The following FBF1 variants were observed in gnomAD, a reference collection of about 807,000 sequenced individuals.
The protein encoded by FBF1 is Fas binding factor 1, also known as fas-binding factor 1.
In FBF1, 119 loss-of-function variants were observed where a neutral mutation model predicts 147.2. The observed-to-expected ratio is 0.81, with a 90% confidence interval of 0.70 to 0.94. The LOEUF (loss-of-function observed/expected upper bound fraction) is 0.94, where lower values mean the gene tolerates loss of function less well. FBF1 is among the 40% of genes least tolerant of loss of function. The pLI is 0.00. For synonymous variants in FBF1, 601 were observed against 609.0 expected, an observed-to-expected ratio of 0.99 and a Z score of 0.19; for missense variants, 1,449 against 1,500.8, an observed-to-expected ratio of 0.97 and a Z score of 0.57.
chr17:75,912,180 G>C lies in FBF1; in HGVS notation c.3363+12C>G. ...GTGAACACAAGGATCCCCAAGGCCA[G>C]GAGAGACTCACCTGCTCTGCCATGT... is the stretch of plus-strand genomic sequence containing the variant. On this transcript the variant is annotated intron_variant, in intron 29 of 29. Transcript: ENST00000636174. 1 of 1,597,784 alleles carries C rather than the reference G, an allele frequency of 6.3e-7. No individual in the cohort carries two copies. Among genetic ancestry groups the C allele is most frequent in the Non-Finnish European group, 8.5e-7 (1 of 1,172,928 alleles).
Position 75,918,128 on chromosome 17 carries a change from C to A in FBF1, c.2246+34G>T, listed in dbSNP as rs559631375. Reference sequence around the variant, plus strand: ...GTCTCGGGGACCTTCCGGCCCCCAACGTCAGGCGGGCATGGTTGGGGCAGC... The same window carrying A: ...GTCTCGGGGACCTTCCGGCCCCCAAAGTCAGGCGGGCATGGTTGGGGCAGC... On this transcript the variant is annotated intron_variant, in intron 21 of 29. Transcript: ENST00000636174. This position sits in a 1 kb window ranked among gnomAD's most constrained non-coding sequence, Gnocchi z 5.8. The A allele has an allele frequency of 1.2e-6, 2 of 1,609,714 alleles. No homozygotes were observed. Among genetic ancestry groups the A allele is most frequent in the South Asian group, 1.1e-5 (1 of 90,676 alleles).
At chr17:75,913,523 G>A in intron 28 of FBF1, 179 bp downstream of exon 28, 1 of 472,262 alleles carries the variant, frequency 2.1e-6, no homozygotes, top group East Asian at 3.2e-5. Context: ...TCATAATAGT[G>A]TTCCTCTATT....
intron 3 of FBF1, 41 bp downstream of exon 3, chr17:75,937,525 A>G (rs916538996): frequency 6.2e-7 from 1 of 1,609,038 alleles, no homozygotes; most frequent in Admixed American, 1.7e-5. Flanking sequence ...GGAAAAAGAT[A>G]TATATTTGGC....
chr17:75,938,808 G>A (rs923292110), intron 1 of FBF1, among the ~76,000 whole-genome samples: 1 of 151,404 alleles, frequency 6.6e-6, no homozygotes, highest in East Asian at 1.9e-4. Flanking sequence ...GGAGGTTGCA[G>A]TGAGCTGAGA....
At position 75,934,002 on chromosome 17, in the gene FBF1, A is replaced by G. The variant is rs963295339; in HGVS notation, c.74-914T>C. Among the ~76,000 whole-genome samples, 81 of 152,212 alleles carry G rather than the reference A, an allele frequency of 5.3e-4. 1 individual carries two copies. The highest frequency in any genetic ancestry group is 2.6e-4 in the Admixed American group (4 of 15,268). ...GCTGCTGTGGAAAAGCAGTCTCCTCAAAAAGTTAAACATACAGTTACCATA... is the reference window on the plus strand; with the variant it reads ...GCTGCTGTGGAAAAGCAGTCTCCTCGAAAAGTTAAACATACAGTTACCATA... On this transcript the variant is annotated intron_variant, in intron 4 of 29. Transcript: ENST00000636174.
At position 75,928,187 on chromosome 17, in the gene FBF1, C is replaced by A; in HGVS notation, c.286G>T (p.Asp96Tyr). 6.2e-7 allele frequency: 1 copy of A among 1,613,792 alleles called. No individual in the cohort carries two copies. Among genetic ancestry groups the A allele is most frequent in the Non-Finnish European group, 8.5e-7 (1 of 1,179,834 alleles). ...QALLQAMKDL[D>Y]GMDADILGLK... ...CCTAAGATATCAGCATCCATGCCGT[C>A]CAGGTCCTAGAAAACCAGGGAGGGA... The change falls in exon 8 of 30, where the codon GAC becomes TAC. Residue 96 changes from aspartate (D) to tyrosine (Y), a missense_variant. Asp to Tyr is a radical substitution (Grantham distance 160, BLOSUM62 -3). Transcript: ENST00000636174. The surrounding 1 kb of genome is among the most constrained non-coding windows in gnomAD (Gnocchi z 4.2).
At position 75,914,182 on chromosome 17, in the gene FBF1, C is replaced by G; in HGVS notation, c.2931G>C (p.Arg977Ser). ...ERQELRLEKE[R>S]INATALRVKL... is the part of the protein sequence containing the mutation. The stretch of plus-strand genomic sequence containing the variant: ...TGACACGCAGGGCGGTGGCGTTGAT[C>G]CTCTCCTTCTCCAGCCGCAGCTCCT... Residue 977 changes from arginine to serine, a missense_variant, in exon 26 of 30, where the codon AGG (arginine) becomes AGC (serine). Physicochemically the swap from Arg to Ser is moderately radical, Grantham distance 110 (BLOSUM62 -1). Transcript: ENST00000636174. The G allele has an allele frequency of 3.8e-6, 6 of 1,596,312 alleles. No individual in the cohort carries two copies. Among genetic ancestry groups the G allele is most frequent in the Non-Finnish European group, 5.1e-6 (6 of 1,174,118 alleles).
chr17:75,912,318 C>A lies in FBF1; in HGVS notation c.3248-11G>T, dbSNP rs1002558178. 16 of 1,566,042 alleles carry A rather than the reference C, an allele frequency of 1.0e-5. No individual in the cohort carries two copies. The East Asian group carries it at 3.4e-4, about 34-fold the overall frequency. ...CAGGAGGCATGAGGGCTGAAAAGGCCAAGGAGGAAGTCAGGGACCAAAGTG... is the reference window on the plus strand; with the variant it reads ...CAGGAGGCATGAGGGCTGAAAAGGCAAAGGAGGAAGTCAGGGACCAAAGTG... On this transcript the variant is annotated splice_polypyrimidine_tract_variant and intron_variant, in intron 28 of 29. Transcript: ENST00000636174.
At chr17:75,938,962 T>C (rs939575010) in intron 1 of FBF1, among the ~76,000 whole-genome samples, 2 of 151,760 alleles carry the variant, frequency 1.3e-5, no homozygotes, top group African/African-American at 4.8e-5. Flanking sequence ...TTTCCATAAA[T>C]TAAAAATTCC....
chr17:75,925,453 A>G lies in FBF1; in HGVS notation c.869-7T>C, dbSNP rs1390314143. ...CCCCACATATCTTCACTGTCTGTGA[A>G]TTAAGGAGCCTGTGACCGTGATCTG... On this transcript the variant is annotated splice_region_variant and splice_polypyrimidine_tract_variant and intron_variant, in intron 12 of 29. Coordinates refer to ENST00000636174, the MANE Select transcript of FBF1 (RefSeq NM_001319193.2). This position sits in a 1 kb window ranked among gnomAD's most constrained non-coding sequence, Gnocchi z 5.0. 1.2e-6 allele frequency: 2 copies of G among 1,611,348 alleles called. No individual in the cohort carries two copies. The highest frequency in any genetic ancestry group is 1.7e-6 in the Non-Finnish European group (2 of 1,178,662).
Position 75,928,135 on chromosome 17 carries a change from C to T in FBF1, c.338G>A (p.Ser113Asn). ...CCCAGGGTCCTTTGCAGCTTTTTTG[C>T]TAGGGGCTGAATTAGATTTCTTCAG... ...LGLKKSNSAP[S>N]KKAAKDPGKG... Residue 113 changes from serine (S) to asparagine (N), a missense_variant, in exon 8 of 30, where the codon AGC (serine) becomes AAC (asparagine). Coordinates refer to ENST00000636174, the MANE Select transcript of FBF1 (RefSeq NM_001319193.2). The surrounding 1 kb of genome is among the most constrained non-coding windows in gnomAD (Gnocchi z 4.2). 2 of 1,613,808 alleles carry T rather than the reference C, an allele frequency of 1.2e-6. No individual in the cohort carries two copies. The highest frequency in any genetic ancestry group is 1.7e-6 in the Non-Finnish European group (2 of 1,179,866).
chr17:75,929,300 C>T (rs1194591893), intron 7 of FBF1, among the ~76,000 whole-genome samples: 1 of 151,946 alleles, frequency 6.6e-6, no homozygotes, highest in Non-Finnish European at 1.5e-5. Context: ...CACTGCACTC[C>T]AGCCTGGGTG....
chr17:75,939,312 A>C (rs2065645521), intron 1 of FBF1, among the ~76,000 whole-genome samples: 1 of 150,970 alleles, frequency 6.6e-6, no homozygotes, highest in Non-Finnish European at 1.5e-5. Flanking sequence ...AAAAAAAAAA[A>C]AAAAACGTGC....
intron 17 of FBF1, 40 bp downstream of exon 17, chr17:75,921,203 TC>T (rs1465391534): frequency 6.4e-7 from 1 of 1,553,976 alleles, no homozygotes; most frequent in South Asian, 1.2e-5. Flanking sequence ...GGAGAATTGC[TC>T]CCTAGGCCCT....
chr17:75,917,567 G>A (rs897804379), intron 23 of FBF1, among the ~76,000 whole-genome samples, 165 bp downstream of exon 23: 3 of 152,310 alleles, frequency 2.0e-5, no homozygotes, highest in African/African-American at 7.2e-5. Context: ...GGTGGGCAGT[G>A]CTGAGAGCCT....
chr17:75,917,142 T>A (rs2065493619), intron 23 of FBF1, among the ~76,000 whole-genome samples: 1 of 152,254 alleles, frequency 6.6e-6, no homozygotes, highest in South Asian at 2.1e-4. Flanking sequence ...CCAACTTGCC[T>A]GGCATAAAAA....
At chr17:75,933,208 A>G in intron 4 of FBF1, 120 bp from the exon 5 acceptor site, 1 of 676,634 alleles carries the variant, frequency 1.5e-6, no homozygotes, top group Non-Finnish European at 2.5e-6. Context: ...AATCTGGCCA[A>G]ATAGGCAGGT....
chr17:75,926,840 A>C lies in FBF1; in HGVS notation c.513T>G (p.Asp171Glu). 1 of 1,613,522 alleles carries C rather than the reference A, an allele frequency of 6.2e-7. No individual in the cohort carries two copies. The highest frequency in any genetic ancestry group is 8.5e-7 in the Non-Finnish European group (1 of 1,179,724). ...GCGGCTGCTTGGTGATTCCTCCTTC[A>C]TCATAGGAGAGAAGTCCTCTCAATG... Reference protein sequence around the residue: ...EDPLRGLLSYDEGGITKQPPV... With the variant: ...EDPLRGLLSYEEGGITKQPPV... Residue 171 changes from aspartate (D) to glutamate (E), a missense_variant, in exon 10 of 30, where the codon GAT (aspartate) becomes GAG (glutamate). Coordinates refer to ENST00000636174, the MANE Select transcript of FBF1 (RefSeq NM_001319193.2).
At chr17:75,937,825 C>A in intron 2 of FBF1, 1 of 635,308 alleles carries the variant, frequency 1.6e-6, no homozygotes, top group Non-Finnish European at 2.8e-6. Context: ...GCGGGCAGGT[C>A]ACTCCTTTCC....
Sources: allele counts gnomAD v4.1 joint callset (sites outside exome capture counted in the v4.1 genomes callset), GRCh38; gene constraint gnomAD v4.1.1; non-coding constraint Gnocchi (gnomAD v3.1); transcripts MANE v1.5; gene names NCBI Gene and HGNC (gene_info 2026-07-23, HGNC 2026-07-21).